The following NREP variants were observed in gnomAD, a reference collection of about 807,000 sequenced individuals.
The protein encoded by NREP is neuronal regeneration-related protein.
In NREP, 5 loss-of-function variants were observed where a neutral mutation model predicts 8.6. The observed-to-expected ratio is 0.58, with a 90% CI of 0.30 to 1.22. The LOEUF is 1.22. Ranked by LOEUF, NREP falls within the 50% of genes most tolerant of loss-of-function variation. NREP has a pLI of 0.07. For missense variants in NREP, 86 were observed against 82.5 expected, an observed-to-expected ratio of 1.04 and a Z score of -0.17; for synonymous variants, 27 against 28.0, an observed-to-expected ratio of 0.96 and a Z score of 0.11.
chr5:111,975,159 G>T (rs1307609920), intron 2 of NREP: 2 of 707,740 alleles, frequency 2.8e-6, no homozygotes, highest in Non-Finnish European at 4.9e-6. Context: ...GGCTTTCACG[G>T]GGCAATGGTG....
chr5:111,749,261 A>G (rs1024322405), intron 2 of NREP, among the ~76,000 whole-genome samples: 13 of 152,208 alleles, frequency 8.5e-5, no homozygotes, highest in African/African-American at 3.1e-4. Flanking sequence ...GAAGGCATAA[A>G]GAATTCAAGG....
intron 2 of NREP, among the ~76,000 whole-genome samples, chr5:111,838,931 C>T (rs1561687867): frequency 2.0e-5 from 3 of 151,838 alleles, no homozygotes; most frequent in African/African-American, 7.3e-5. Flanking sequence ...TTTAATTAGA[C>T]AATTAAAGTA....
At chr5:111,925,007 G>A (rs1432643145) in intron 2 of NREP, among the ~76,000 whole-genome samples, 1 of 152,146 alleles carries the variant, frequency 6.6e-6, no homozygotes, top group Non-Finnish European at 1.5e-5. Context: ...CAACTAAGGG[G>A]TTGAGAAAAA....
intron 2 of NREP, among the ~76,000 whole-genome samples, chr5:111,919,083 A>G (rs1293047522): frequency 1.3e-5 from 2 of 151,062 alleles, no homozygotes; most frequent in Non-Finnish European, 3.0e-5. Flanking sequence ...ATACGAACGG[A>G]CACTTCTCAA....
chr5:111,824,047 G>T (rs1001522512), intron 2 of NREP, among the ~76,000 whole-genome samples: 1 of 152,132 alleles, frequency 6.6e-6, no homozygotes, highest in African/African-American at 2.4e-5. Context: ...GGGACCAAAG[G>T]TAAGAGTGGC....
intron 2 of NREP, among the ~76,000 whole-genome samples, chr5:111,944,490 T>A (rs938332103): frequency 8.5e-5 from 13 of 152,110 alleles, no homozygotes; most frequent in Admixed American, 8.5e-4. Context: ...GTATTTTTTG[T>A]AGAGATGACG....
At chr5:111,778,805 T>C (rs183664262) in intron 2 of NREP, among the ~76,000 whole-genome samples, 30 of 151,290 alleles carry the variant, frequency 2.0e-4, no homozygotes, top group Non-Finnish European at 3.6e-4. Flanking sequence ...AAATTCACTA[T>C]ACAGAGGTTA....
At chr5:111,764,163 G>C (rs1751027842) in intron 2 of NREP, among the ~76,000 whole-genome samples, 1 of 152,178 alleles carries the variant, frequency 6.6e-6, no homozygotes, top group Non-Finnish European at 1.5e-5. Context: ...GGATTCAATA[G>C]GGCCTGCAGC....
chr5:111,869,307 A>G (rs1381336719), intron 2 of NREP, among the ~76,000 whole-genome samples: 1 of 152,196 alleles, frequency 6.6e-6, no homozygotes, highest in Non-Finnish European at 1.5e-5. Flanking sequence ...AATTTTTAAA[A>G]TTTCCTTACG....
chr5:111,868,945 T>C (rs563171708), intron 2 of NREP, among the ~76,000 whole-genome samples: 31 of 152,148 alleles, frequency 2.0e-4, no homozygotes, highest in Non-Finnish European at 1.5e-5. Flanking sequence ...TGAGTAGTGG[T>C]CCAATGACAA....
intron 2 of NREP, among the ~76,000 whole-genome samples, chr5:111,766,788 G>A (rs1320049288): frequency 6.6e-6 from 1 of 152,220 alleles, no homozygotes; most frequent in Non-Finnish European, 1.5e-5. Flanking sequence ...TGGTGAAGGA[G>A]AAGGGCCAAA....
chr5:111,776,895 C>A (rs148983195), intron 2 of NREP, among the ~76,000 whole-genome samples: 1,917 of 152,046 alleles, frequency 0.013, 11 homozygotes, highest in Non-Finnish European at 0.019. Flanking sequence ...TCATGTGTTA[C>A]CTTATGATAT....
At chr5:111,898,992 A>G (rs554098440) in intron 2 of NREP, among the ~76,000 whole-genome samples, 3 of 152,298 alleles carry the variant, frequency 2.0e-5, no homozygotes, top group African/African-American at 7.2e-5. Flanking sequence ...ATACCCAGCC[A>G]AGCTATTATT....
chr5:111,808,273 C>G (rs1490011406), intron 2 of NREP, among the ~76,000 whole-genome samples: 4 of 152,200 alleles, frequency 2.6e-5, no homozygotes, highest in Non-Finnish European at 5.9e-5. Context: ...TTTGCCTTCC[C>G]CACTGTCTTG....
At chr5:111,876,411 T>A (rs140804463) in intron 2 of NREP, among the ~76,000 whole-genome samples, 4 of 152,154 alleles carry the variant, frequency 2.6e-5, no homozygotes, top group Non-Finnish European at 4.4e-5. Flanking sequence ...GTGATGGGGC[T>A]CAGAGAAAAG....
intron 2 of NREP, among the ~76,000 whole-genome samples, chr5:111,971,108 A>G (rs1756804383): frequency 6.6e-6 from 1 of 152,208 alleles, no homozygotes. Flanking sequence ...GGAATTCAAT[A>G]GATTATGCTT....
intron 2 of NREP, among the ~76,000 whole-genome samples, chr5:111,944,215 T>A (rs1019597404): frequency 2.0e-5 from 3 of 152,118 alleles, no homozygotes; most frequent in Non-Finnish European, 4.4e-5. Flanking sequence ...AAATCTTCCT[T>A]GGTTTATCAG....
rs182809440 is a variant in NREP at position 111,928,421 on chromosome 5, A to C, written c.135+46853T>G. On this transcript the variant is annotated intron_variant, in intron 2 of 3. Transcript: ENST00000395634. ...TTTCAAATTGAGGAAAGCAGACTTA[A>C]TTTATGTCAGAAAAAAATCTGACTG... Among the ~76,000 whole-genome samples, 13 of 152,198 alleles carry C rather than the reference A, an allele frequency of 8.5e-5. No individual in the cohort carries two copies. The East Asian group carries it at 1.9e-3, about 23-fold the overall frequency.
intron 2 of NREP, among the ~76,000 whole-genome samples, chr5:111,875,316 A>T (rs1332779320): frequency 6.6e-6 from 1 of 152,160 alleles, no homozygotes; most frequent in African/African-American, 2.4e-5. Flanking sequence ...AAAAAGATAG[A>T]TAGAAAATGC....
Sources: gnomAD v4.1 joint callset for allele counts (sites outside exome capture counted in the v4.1 genomes callset) on GRCh38, gnomAD v4.1.1 for gene constraint, MANE v1.5 for transcripts, NCBI Gene and HGNC (gene_info 2026-07-23, HGNC 2026-07-21) for gene names.